NPR3: variants seen among roughly 807,000 people sequenced by gnomAD.
NPR3 encodes the protein atrial natriuretic peptide receptor 3.
In NPR3, 34 loss-of-function variants were observed where a neutral mutation model predicts 54.5. The ratio of observed to expected loss-of-function variants is 0.62; its 90% confidence interval spans 0.47 to 0.83. The LOEUF is 0.83. Ranked by LOEUF, NPR3 falls within the 40% of genes least tolerant of loss-of-function variation. The probability of loss-of-function intolerance (pLI) is 0.00; values close to 1 mark genes in which losing one functional copy is unlikely to be tolerated. For synonymous variants in NPR3, 289 were observed against 297.1 expected, an observed-to-expected ratio of 0.97 and a Z score of 0.28; for missense variants, 674 against 720.8, an observed-to-expected ratio of 0.94 and a Z score of 0.74.
At chr5:32,730,624 G>T (rs558705518) in intron 2 of NPR3, among the ~76,000 whole-genome samples, 1 of 152,194 alleles carries the variant, frequency 6.6e-6, no homozygotes, top group African/African-American at 2.4e-5. Context: ...GTTTAGCAAG[G>T]TCCCACCATA....
At chr5:32,693,238 T>C (rs1284532312) in intron 1 of NPR3, among the ~76,000 whole-genome samples, 2 of 152,276 alleles carry the variant, frequency 1.3e-5, no homozygotes, top group Admixed American at 6.5e-5. Context: ...TAAATTTGTA[T>C]ATAAATGAGC....
chr5:32,757,669 G>C (rs1740920036), intron 3 of NPR3, among the ~76,000 whole-genome samples: 1 of 152,134 alleles, frequency 6.6e-6, no homozygotes, highest in Admixed American at 6.5e-5. Flanking sequence ...GGGCATCCCT[G>C]TCTTGTGCTA....
At chr5:32,727,705 C>T (rs1053849036) in intron 2 of NPR3, among the ~76,000 whole-genome samples, 1 of 152,108 alleles carries the variant, frequency 6.6e-6, no homozygotes, top group African/African-American at 2.4e-5. Context: ...TGTAGAGAAG[C>T]AATGAGTTCT....
intron 1 of NPR3, among the ~76,000 whole-genome samples, chr5:32,718,386 T>C (rs577265931): frequency 6.6e-6 from 1 of 152,216 alleles, no homozygotes; most frequent in Non-Finnish European, 1.5e-5. Context: ...GAAAGTCATT[T>C]GTAGCTTGAT....
upstream of NPR3, chr5:32,710,695 G>C (rs1247394712): frequency 2.6e-6 from 4 of 1,545,348 alleles, no homozygotes; most frequent in Non-Finnish European, 3.5e-6. Flanking sequence ...CTTGGTCCTT[G>C]TTCCCTGACC....
chr5:32,777,820 G>T (rs189277260), intron 4 of NPR3, among the ~76,000 whole-genome samples: 87 of 152,304 alleles, frequency 5.7e-4, no homozygotes, highest in African/African-American at 2.0e-3. Flanking sequence ...ACCTCTGACT[G>T]CTTCAGTTGA....
At chr5:32,772,807 C>T (rs185108299) in intron 3 of NPR3, among the ~76,000 whole-genome samples, 146 of 152,208 alleles carry the variant, frequency 9.6e-4, no homozygotes, top group Middle Eastern at 6.8e-3. Context: ...GACATCCCCA[C>T]GAAATAGGTA....
intron 3 of NPR3, among the ~76,000 whole-genome samples, chr5:32,755,018 G>A (rs372462863): frequency 3.7e-4 from 57 of 152,212 alleles, no homozygotes; most frequent in African/African-American, 1.2e-3. Flanking sequence ...CCGCCACCAC[G>A]CCCCGCTAAT....
chr5:32,772,163 C>T (rs1387092400), intron 3 of NPR3, among the ~76,000 whole-genome samples: 1 of 152,150 alleles, frequency 6.6e-6, no homozygotes, highest in Non-Finnish European at 1.5e-5. Flanking sequence ...TTTTTCTTTG[C>T]CTGAGAAAAT....
intron 3 of NPR3, among the ~76,000 whole-genome samples, chr5:32,771,352 C>T (rs1477273107): frequency 2.6e-5 from 4 of 152,130 alleles, no homozygotes; most frequent in Non-Finnish European, 5.9e-5. Flanking sequence ...GTAAATTTTG[C>T]GATCCATTTG....
intron 3 of NPR3, among the ~76,000 whole-genome samples, chr5:32,742,157 C>T (rs989988218): frequency 6.6e-6 from 1 of 151,798 alleles, no homozygotes; most frequent in South Asian, 2.1e-4. Context: ...TTCATGATGC[C>T]CATCATGAGC....
rs1742833881 is a variant in NPR3, at chr5:32,790,119, CTAAAAACACGGGATA to C, written c.*3777_*3791del. The C allele has an allele frequency of 5.4e-6, 1 of 186,858 alleles. No homozygotes were observed. Among genetic ancestry groups the C allele is most frequent in the Admixed American group, 5.5e-5 (1 of 18,176 alleles). The allele number at this position is 186,858 out of a possible 1,614,324, so 11.6% of individuals were successfully genotyped here. ...ATTCAGTGGAAAAAACTGAAACTGT[CTAAAAACACGGGATA>C]TATTTTAGAGGCAATTGTGGAAGCG... On this transcript the variant is annotated 3_prime_UTR_variant, in exon 8 of 8. Coordinates refer to ENST00000265074, the MANE Select transcript of NPR3 (RefSeq NM_001204375.2).
intron 1 of NPR3, among the ~76,000 whole-genome samples, chr5:32,699,124 T>G (rs530860011): frequency 1.3e-5 from 2 of 152,306 alleles, no homozygotes; most frequent in South Asian, 4.1e-4. Context: ...TGCTTTTTAT[T>G]TTTTATGTAT....
At chr5:32,764,091 G>A (rs80267403) in intron 3 of NPR3, among the ~76,000 whole-genome samples, 4,386 of 152,198 alleles carry the variant, frequency 0.029, 80 homozygotes, top group Middle Eastern at 0.095. Flanking sequence ...ACTCTCTTCC[G>A]CACAGAGGGC....
intron 2 of NPR3, among the ~76,000 whole-genome samples, chr5:32,738,612 T>C (rs145390225): frequency 6.6e-4 from 101 of 152,306 alleles, no homozygotes; most frequent in African/African-American, 2.4e-3. Flanking sequence ...AGTTACATGG[T>C]TATTACAAGG....
chr5:32,719,134 T>G (rs886648829), intron 1 of NPR3, among the ~76,000 whole-genome samples: 1 of 152,234 alleles, frequency 6.6e-6, no homozygotes, highest in Non-Finnish European at 1.5e-5. Context: ...TTGTTGGTTC[T>G]GTTTTTGTGA....
chr5:32,729,456 G>A (rs1475281247), intron 2 of NPR3, among the ~76,000 whole-genome samples: 1 of 152,192 alleles, frequency 6.6e-6, no homozygotes, highest in Non-Finnish European at 1.5e-5. Context: ...TTTTGGATTA[G>A]GAAGCTTAAT....
chr5:32,777,444 G>T (rs1422041242), intron 4 of NPR3, among the ~76,000 whole-genome samples: 3 of 152,174 alleles, frequency 2.0e-5, no homozygotes, highest in Non-Finnish European at 2.9e-5. Context: ...TTTACATTGT[G>T]CTTGCTCTTC....
At chr5:32,716,708 G>C (rs1231557737) in intron 1 of NPR3, 4 of 157,162 alleles carry the variant, frequency 2.5e-5, no homozygotes, top group Non-Finnish European at 5.6e-5. Context: ...AAGTCACATA[G>C]GCTTCTATGT....
Sources: allele counts gnomAD v4.1 joint callset (sites outside exome capture counted in the v4.1 genomes callset), GRCh38; gene constraint gnomAD v4.1.1; transcripts MANE v1.5; gene names NCBI Gene and HGNC (gene_info 2026-07-23, HGNC 2026-07-21).